SPATA17: variants seen among roughly 807,000 people sequenced by gnomAD.
The protein encoded by SPATA17 is spermatogenesis associated 17, also known as spermatogenesis-associated protein 17.
In SPATA17, 53 loss-of-function variants were observed where a neutral mutation model predicts 62.2. That is an observed-to-expected ratio of 0.85 (90% confidence interval 0.68 to 1.07). SPATA17 has a LOEUF of 1.07. Among genes scored for constraint, SPATA17 ranks in the 50% least tolerant of loss-of-function variants. SPATA17 has a pLI of 0.00. For synonymous variants in SPATA17, 146 were observed against 146.8 expected, an observed-to-expected ratio of 0.99 and a Z score of 0.04; for missense variants, 466 against 425.5, an observed-to-expected ratio of 1.10 and a Z score of -0.84.
At chr1:217,769,798 T>C (rs1411085984) in intron 6 of SPATA17, among the ~76,000 whole-genome samples, 1 of 152,222 alleles carries the variant, frequency 6.6e-6, no homozygotes, top group Admixed American at 6.5e-5. Context: ...GGGTACTATA[T>C]CTGAGGGTTA....
At chr1:217,660,083 A>G (rs1670533461) in intron 3 of SPATA17, among the ~76,000 whole-genome samples, 1 of 152,090 alleles carries the variant, frequency 6.6e-6, no homozygotes, top group Non-Finnish European at 1.5e-5. Context: ...TTATCACCCA[A>G]AGATTTTTGG....
At chr1:217,847,668 T>G (rs1675558338) in intron 9 of SPATA17, among the ~76,000 whole-genome samples, 1 of 152,124 alleles carries the variant, frequency 6.6e-6, no homozygotes. Flanking sequence ...AATGTTCAGA[T>G]GTAGGTAAAA....
intron 6 of SPATA17, among the ~76,000 whole-genome samples, chr1:217,772,365 AAAG>A (rs1673470343): frequency 6.6e-6 from 1 of 152,168 alleles, no homozygotes. Context: ...AATAAATCTC[AAAG>A]AAGAGCCAGT....
chr1:217,689,538 G>A (rs1421940549), intron 5 of SPATA17, among the ~76,000 whole-genome samples: 3 of 151,868 alleles, frequency 2.0e-5, no homozygotes, highest in Non-Finnish European at 4.4e-5. Context: ...TTTGTGTGCC[G>A]GAAATTATTC....
At chr1:217,786,014 TTAA>T (rs1248844060) in intron 8 of SPATA17, among the ~76,000 whole-genome samples, 1 of 152,114 alleles carries the variant, frequency 6.6e-6, no homozygotes, top group East Asian at 1.9e-4. Context: ...AAATAAGCAA[TTAA>T]TAAATAATTA....
chr1:217,644,998 T>C (rs1323285262), intron 1 of SPATA17, among the ~76,000 whole-genome samples: 1 of 152,082 alleles, frequency 6.6e-6, no homozygotes, highest in East Asian at 1.9e-4. Context: ...TAGCAGTTCA[T>C]GACATATTGT....
At position 217,807,664 on chromosome 1, in the gene SPATA17, A is replaced by C. The variant is rs539230737; in HGVS notation, c.1005+5814A>C. 3.9e-5 allele frequency among the ~76,000 whole-genome samples: 6 copies of C among 152,322 alleles called. No individual in the cohort carries two copies. In the South Asian group the frequency reaches 6.2e-4, roughly 16 times the overall value. On this transcript the variant is annotated intron_variant, in intron 9 of 10. Transcript: ENST00000366933. ...TATTTATTGCCCATATTACAATTCA[A>C]TAAGGGCTTCAGAATTAAGAACATT...
chr1:217,764,112 T>C (rs545385032), intron 6 of SPATA17, among the ~76,000 whole-genome samples: 1 of 152,296 alleles, frequency 6.6e-6, no homozygotes, highest in African/African-American at 2.4e-5. Context: ...GTCCATAGTT[T>C]ACATTAGGTT....
At chr1:217,662,950 G>A (rs1226298272) in intron 3 of SPATA17, among the ~76,000 whole-genome samples, 1 of 151,642 alleles carries the variant, frequency 6.6e-6, no homozygotes, top group Non-Finnish European at 1.5e-5. Flanking sequence ...TTTTCCTTAG[G>A]GTCTAAACTT....
chr1:217,779,460 A>C (rs1673679228), intron 7 of SPATA17, among the ~76,000 whole-genome samples: 2 of 127,030 alleles, frequency 1.6e-5, no homozygotes, highest in Non-Finnish European at 3.4e-5. Context: ...CCTATTTTAA[A>C]CTCCTCCTCC....
At chr1:217,780,385 G>A (rs1571801128) in intron 7 of SPATA17, among the ~76,000 whole-genome samples, 1 of 152,140 alleles carries the variant, frequency 6.6e-6, no homozygotes, top group African/African-American at 2.4e-5. Context: ...GGACATGACT[G>A]CACAAAAGTC....
At chr1:217,641,783 A>G (rs974073549) in intron 1 of SPATA17, among the ~76,000 whole-genome samples, 1 of 152,148 alleles carries the variant, frequency 6.6e-6, no homozygotes, top group African/African-American at 2.4e-5. Flanking sequence ...TTCTCTATAT[A>G]ACCACAATTC....
chr1:217,688,668 T>G (rs756864982), intron 5 of SPATA17, among the ~76,000 whole-genome samples: 1 of 152,200 alleles, frequency 6.6e-6, no homozygotes, highest in Non-Finnish European at 1.5e-5. Context: ...TCATCTGCCA[T>G]GTCAACTGCT....
intron 9 of SPATA17, among the ~76,000 whole-genome samples, chr1:217,808,381 ACCCC>A (rs61294567): frequency 0.2 from 13,660 of 67,366 alleles, 718 homozygotes; most frequent in Non-Finnish European, 0.23. Flanking sequence ...ACACACACAC[ACCCC>A]CCTCAGAATT....
intron 9 of SPATA17, among the ~76,000 whole-genome samples, chr1:217,828,647 C>T (rs1436066964): frequency 1.3e-5 from 2 of 151,016 alleles, no homozygotes; most frequent in African/African-American, 4.9e-5. Flanking sequence ...AAACAATCAA[C>T]AACATGAAAA....
chr1:217,706,405 C>T (rs1424740113), intron 5 of SPATA17, among the ~76,000 whole-genome samples: 1 of 152,146 alleles, frequency 6.6e-6, no homozygotes, highest in Admixed American at 6.6e-5. Flanking sequence ...AGGAAGGGAC[C>T]TGTAATCCCC....
intron 9 of SPATA17, among the ~76,000 whole-genome samples, chr1:217,838,056 A>G (rs1207952314): frequency 2.6e-5 from 4 of 152,146 alleles, no homozygotes; most frequent in African/African-American, 7.2e-5. Flanking sequence ...TAATATTTTT[A>G]TATTAGTGGC....
At chr1:217,739,637 C>T (rs1254051277) in intron 5 of SPATA17, 1 of 152,002 alleles carries the variant, frequency 6.6e-6, no homozygotes, top group Non-Finnish European at 1.5e-5. Flanking sequence ...TGGTTTCCAT[C>T]CTTTTATTTT....
chr1:217,811,695 G>GGA (rs1674592351), intron 9 of SPATA17, among the ~76,000 whole-genome samples: 1 of 127,500 alleles, frequency 7.8e-6, no homozygotes, highest in Admixed American at 8.0e-5. Context: ...TCCACCTCGA[G>GGA]AAAAAAAAAA....
Sources: gnomAD v4.1 joint callset for allele counts (sites outside exome capture counted in the v4.1 genomes callset) on GRCh38, gnomAD v4.1.1 for gene constraint, MANE v1.5 for transcripts, NCBI Gene and HGNC (gene_info 2026-07-23, HGNC 2026-07-21) for gene names.